Variants in HASPIN observed in about 807,000 individuals in gnomAD.
HASPIN encodes serine/threonine-protein kinase haspin.
In HASPIN, 24 loss-of-function variants were observed where a neutral mutation model predicts 28.8. That is an observed-to-expected ratio of 0.83 (90% confidence interval 0.60 to 1.17). The LOEUF (loss-of-function observed/expected upper bound fraction) is 1.17. HASPIN is among the 50% of genes most tolerant of loss of function. The pLI is 0.00. For missense variants in HASPIN, 1,016 were observed against 1,018.5 expected (o/e 1.00, Z 0.03); for synonymous variants, 440 against 413.1 (o/e 1.07, Z -0.79).
chr17:3,725,553 A>C lies in HASPIN; in HGVS notation c.1618A>C (p.Lys540Gln). 6.2e-7 allele frequency: 1 copy of C among 1,614,260 alleles called. No homozygotes were observed. Among genetic ancestry groups the C allele is most frequent in the Non-Finnish European group, 8.5e-7 (1 of 1,180,052 alleles). ...AATCCTGCCAGAGATCATCATCTCC[A>C]AAGAGTTGAGCCTCTTATCCGGTGA... The part of the protein sequence containing the change: ...EEILPEIIIS[K>Q]ELSLLSGEVC... Residue 540 changes from lysine to glutamine, a missense_variant, in exon 1 of 1, where the codon AAA (lysine) becomes CAA (glutamine). Transcript: ENST00000325418.
At position 3,725,702 on chromosome 17, in the gene HASPIN, C is replaced by T. The variant is rs1490234361; in HGVS notation, c.1767C>T (p.Asp589=). The T allele has an allele frequency of 1.3e-6, 2 of 1,575,180 alleles. No individual in the cohort carries two copies. Among genetic ancestry groups the T allele is most frequent in the East Asian group, 2.2e-5 (1 of 44,516 alleles). The change falls in exon 1 of 1, where the codon GAC becomes GAT. Residue 589 remains aspartate, a synonymous_variant. Coordinates refer to ENST00000325418, the MANE Select transcript of HASPIN (RefSeq NM_031965.2). ...ATTCAACCAAAGGCTCTGCAAATGA[C>T]CGGCCTGATTTTTTTAAAGACGACC... ...HYNSTKGSAN[D]RPDFFKDDQL...
rs1343802327 is a variant in HASPIN, at chr17:3,725,260, A to T, written c.1325A>T (p.Tyr442Phe). Residue 442 changes from tyrosine (Y) to phenylalanine (F), a missense_variant, in exon 1 of 1, where the codon TAT becomes TTT. Physicochemically the swap from Tyr to Phe is conservative, Grantham distance 22. This residue lies in a region of HASPIN where 881 missense variants were observed against 845.5 expected (regional missense o/e 1.04). Transcript: ENST00000325418. ...APSSWHSSSM[Y>F]LLSPLNTLSI... ...TCCTCTTGGCACTCCTCCTCTATGT[A>T]TTTGCTAAGCCCCTTAAACACTCTA... 1 of 1,614,192 alleles carries T rather than the reference A, an allele frequency of 6.2e-7. No homozygotes were observed. Among genetic ancestry groups the T allele is most frequent in the South Asian group, 1.1e-5 (1 of 91,080 alleles).
chr17:3,726,546 A>C lies in HASPIN; in HGVS notation c.*214A>C. On this transcript the variant is annotated 3_prime_UTR_variant, in exon 1 of 1. Transcript: ENST00000325418. The stretch of plus-strand genomic sequence containing the variant: ...ACAAATGTTCTGAAAGAAGTAAACT[A>C]GCCGGGCACAGTGGCGTGCGCCTGT... 5.4e-6 allele frequency: 3 copies of C among 558,078 alleles called. No homozygotes were observed. Among genetic ancestry groups the C allele is most frequent in the Non-Finnish European group, 9.6e-6 (3 of 311,152 alleles). The allele number at this position is 558,078 out of a possible 1,614,324, so 34.6% of individuals were successfully genotyped here.
In HASPIN at chr17:3,725,537, A is replaced by G. The variant is rs2051190291; in HGVS notation, c.1602A>G (p.Pro534=). The change falls in exon 1 of 1, where the codon CCA becomes CCG. Residue 534 remains proline, a synonymous_variant. Transcript: ENST00000325418. ...AGAAAACCTTTGAGGAAATCCTGCC[A>G]GAGATCATCATCTCCAAAGAGTTGA... is the stretch of plus-strand genomic sequence containing the variant. ...SHQKTFEEIL[P]EIIISKELSL... 1 of 1,614,266 alleles carries G rather than the reference A, an allele frequency of 6.2e-7. No homozygotes were observed.
At position 3,724,183 on chromosome 17, in the gene HASPIN, C is replaced by T. The variant is rs999032047; in HGVS notation, c.248C>T (p.Pro83Leu). Residue 83 changes from proline (P) to leucine (L), a missense_variant, in exon 1 of 1, where the codon CCC becomes CTC. Pro to Leu is a moderately conservative substitution (Grantham distance 98). This residue lies in a region of HASPIN where 881 missense variants were observed against 845.5 expected (regional missense o/e 1.04). Transcript: ENST00000325418. ...CCGGTGAGGCGGCGGCGGAGGCGTCCCGGCGGCCGAGTGCCCAAGGACCGG... is the reference window on the plus strand; with the variant it reads ...CCGGTGAGGCGGCGGCGGAGGCGTCTCGGCGGCCGAGTGCCCAAGGACCGG... The part of the protein sequence containing the change: ...GSPVRRRRRR[P>L]GGRVPKDRPS... The T allele has an allele frequency of 5.7e-6, 9 of 1,591,474 alleles. No individual in the cohort carries two copies. The highest frequency in any genetic ancestry group is 7.7e-6 in the Non-Finnish European group (9 of 1,176,330).
chr17:3,724,826 G>A lies in HASPIN; in HGVS notation c.891G>A (p.Gln297=), dbSNP rs1313405335. The stretch of plus-strand genomic sequence containing the variant: ...CAGGCAAGAGGAGGGCCACAGGCCA[G>A]GACTCTTGTCAAGAGAGAGGGCTTC... The part of the protein sequence containing the change: ...SSTGKRRATG[Q]DSCQERGLQE... Residue 297 remains glutamine, a synonymous_variant, in exon 1 of 1, where the codon CAG becomes CAA. Coordinates refer to ENST00000325418, the MANE Select transcript of HASPIN (RefSeq NM_031965.2). The A allele has an allele frequency of 1.9e-6, 3 of 1,614,168 alleles. No homozygotes were observed. The highest frequency in any genetic ancestry group is 2.2e-5 in the East Asian group (1 of 44,882).
Position 3,726,563 on chromosome 17 carries a change from T to G in HASPIN, c.*231T>G. 3.9e-6 allele frequency: 2 copies of G among 514,532 alleles called. No individual in the cohort carries two copies. Among genetic ancestry groups the G allele is most frequent in the South Asian group, 5.8e-5 (2 of 34,754 alleles). The allele number at this position is 514,532 out of a possible 1,614,324, so 31.9% of individuals were successfully genotyped here. ...AGTAAACTAGCCGGGCACAGTGGCG[T>G]GCGCCTGTAGTCCCAGCTACTCGGG... On this transcript the variant is annotated 3_prime_UTR_variant, in exon 1 of 1. Transcript: ENST00000325418.
rs1227608464 is a variant in HASPIN, at chr17:3,726,109, T to G, written c.2174T>G (p.Met725Arg). Reference sequence around the variant, plus strand: ...TACCAGTTTGACATCTACAGGCTCATGAAGAAGGAGAATAACAACCGCTGG... The same window carrying G: ...TACCAGTTTGACATCTACAGGCTCAGGAAGAAGGAGAATAACAACCGCTGG... ...GDYQFDIYRL[M>R]KKENNNRWGE... is the part of the protein sequence containing the mutation. The change falls in exon 1 of 1, where the codon ATG becomes AGG. Residue 725 changes from methionine to arginine, a missense_variant. Transcript: ENST00000325418. 3 of 1,614,210 alleles carry G rather than the reference T, an allele frequency of 1.9e-6. No homozygotes were observed. Among genetic ancestry groups the G allele is most frequent in the African/African-American group, 1.3e-5 (1 of 75,046 alleles).
chr17:3,724,134 G>A lies in HASPIN; in HGVS notation c.199G>A (p.Asp67Asn). The change falls in exon 1 of 1, where the codon GAC becomes AAC. Residue 67 changes from aspartate to asparagine, a missense_variant. Asp to Asn is a conservative substitution (Grantham distance 23, BLOSUM62 1). This residue lies in a region of HASPIN where 881 missense variants were observed against 845.5 expected (regional missense o/e 1.04). Coordinates refer to ENST00000325418, the MANE Select transcript of HASPIN (RefSeq NM_031965.2). ...GCAGTCCGACGATCCTGACGATCCC[G>A]ACGACCCCGACTTCCCCGGCAGCCC... The part of the protein sequence containing the change: ...PSQSDDPDDP[D>N]DPDFPGSPVR... 1.9e-6 allele frequency: 3 copies of A among 1,595,462 alleles called. No individual in the cohort carries two copies. In the South Asian group the frequency reaches 3.3e-5, roughly 18 times the overall value.
rs766386347 is a variant in HASPIN, at chr17:3,724,323, T to C, written c.388T>C (p.Cys130Arg). ...GCCCCCGCAGAAGTGCAGCACACCC[T>C]GCGGCCCGCTCCGACTTCCGCCCTT... ...ARPPQKCSTP[C>R]GPLRLPPFPS... Residue 130 changes from cysteine to arginine, a missense_variant, in exon 1 of 1, where the codon TGC becomes CGC. This residue lies in a region of HASPIN where 881 missense variants were observed against 845.5 expected (regional missense o/e 1.04). Coordinates refer to ENST00000325418, the MANE Select transcript of HASPIN (RefSeq NM_031965.2). 8 of 1,587,482 alleles carry C rather than the reference T, an allele frequency of 5.0e-6. No individual in the cohort carries two copies. Among genetic ancestry groups the C allele is most frequent in the Non-Finnish European group, 6.8e-6 (8 of 1,173,054 alleles).
Position 3,726,110 on chromosome 17 carries a change from G to A in HASPIN, c.2175G>A (p.Met725Ile), listed in dbSNP as rs1175464849. The A allele has an allele frequency of 2.5e-6, 4 of 1,614,104 alleles. No homozygotes were observed. Among genetic ancestry groups the A allele is most frequent in the Admixed American group, 1.7e-5 (1 of 60,002 alleles). Reference protein sequence around the residue: ...GDYQFDIYRLMKKENNNRWGE... With the variant: ...GDYQFDIYRLIKKENNNRWGE... Reference sequence around the variant, plus strand: ...ACCAGTTTGACATCTACAGGCTCATGAAGAAGGAGAATAACAACCGCTGGG... The same window carrying A: ...ACCAGTTTGACATCTACAGGCTCATAAAGAAGGAGAATAACAACCGCTGGG... Residue 725 changes from methionine (M) to isoleucine (I), a missense_variant, in exon 1 of 1, where the codon ATG becomes ATA. By Grantham distance (10) the Met-to-Ile change is conservative. This residue lies in a region of HASPIN where 129 missense variants were observed against 156.2 expected (regional missense o/e 0.83). Coordinates refer to ENST00000325418, the MANE Select transcript of HASPIN (RefSeq NM_031965.2).
At position 3,724,160 on chromosome 17, in the gene HASPIN, G is replaced by A. The variant is rs1352822174; in HGVS notation, c.225G>A (p.Pro75=). The change falls in exon 1 of 1, where the codon CCG becomes CCA. Residue 75 remains proline, a synonymous_variant. Coordinates refer to ENST00000325418, the MANE Select transcript of HASPIN (RefSeq NM_031965.2). ...DPDDPDFPGS[P]VRRRRRRPGG... is the part of the protein sequence containing the mutation. ...ACGACCCCGACTTCCCCGGCAGCCCGGTGAGGCGGCGGCGGAGGCGTCCCG... is the reference window on the plus strand; with the variant it reads ...ACGACCCCGACTTCCCCGGCAGCCCAGTGAGGCGGCGGCGGAGGCGTCCCG... 1.3e-6 allele frequency: 2 copies of A among 1,594,390 alleles called. No homozygotes were observed. Among genetic ancestry groups the A allele is most frequent in the Non-Finnish European group, 8.5e-7 (1 of 1,177,066 alleles).
In HASPIN at chr17:3,723,942, G is replaced by A. The variant is rs2051131611; in HGVS notation, c.7G>A (p.Ala3Thr). The A allele has an allele frequency of 6.4e-7, 1 of 1,552,808 alleles. No individual in the cohort carries two copies. The highest frequency in any genetic ancestry group is 8.7e-7 in the Non-Finnish European group (1 of 1,149,632). MA[A>T]SLPGPGSRLF... ...CTCTTGGCGGGTGCCGGCCATGGCG[G>A]CTTCGCTCCCGGGACCTGGGAGCCG... The change falls in exon 1 of 1, where the codon GCT (alanine) becomes ACT (threonine). Residue 3 changes from alanine to threonine, a missense_variant. By Grantham distance (58) the Ala-to-Thr change is moderately conservative. Transcript: ENST00000325418.
Position 3,724,518 on chromosome 17 carries a change from C to G in HASPIN, c.583C>G (p.Leu195Val), listed in dbSNP as rs150914370. 2.5e-6 allele frequency: 4 copies of G among 1,613,954 alleles called. No individual in the cohort carries two copies. The highest frequency in any genetic ancestry group is 3.4e-6 in the Non-Finnish European group (4 of 1,180,042). The change falls in exon 1 of 1, where the codon CTG becomes GTG. Residue 195 changes from leucine to valine, a missense_variant. By Grantham distance (32) the Leu-to-Val change is conservative. Transcript: ENST00000325418. ...CATCTCGATCGGCACCTCCGCCTGT[C>G]TGGTTGCAGCCTCAGCCGTCCCGAG... Reference protein sequence around the residue: ...SVISIGTSACLVAASAVPSGL... With the variant: ...SVISIGTSACVVAASAVPSGL...
Position 3,725,524 on chromosome 17 carries a change from A to G in HASPIN, c.1589A>G (p.Glu530Gly). 2 of 1,614,222 alleles carry G rather than the reference A, an allele frequency of 1.2e-6. No individual in the cohort carries two copies. The highest frequency in any genetic ancestry group is 8.5e-7 in the Non-Finnish European group (1 of 1,180,042). ...AATGGATCCCATCAGAAAACCTTTG[A>G]GGAAATCCTGCCAGAGATCATCATC... ...LVNGSHQKTFEEILPEIIISK... is the reference protein window; with the variant it reads ...LVNGSHQKTFGEILPEIIISK... Residue 530 changes from glutamate to glycine, a missense_variant, in exon 1 of 1, where the codon GAG (glutamate) becomes GGG (glycine). Glu to Gly is a moderately conservative substitution (Grantham distance 98, BLOSUM62 -2). Around this residue, in one of 3 missense-constraint regions of HASPIN, gnomAD observed 881 missense variants for 845.5 expected, o/e 1.04. Coordinates refer to ENST00000325418, the MANE Select transcript of HASPIN (RefSeq NM_031965.2).
chr17:3,726,005 G>A lies in HASPIN; in HGVS notation c.2070G>A (p.Leu690=), dbSNP rs1365635311. Residue 690 remains leucine, a synonymous_variant, in exon 1 of 1, where the codon CTG becomes CTA. Coordinates refer to ENST00000325418, the MANE Select transcript of HASPIN (RefSeq NM_031965.2). The part of the protein sequence containing the change: ...GLQVSIIDYT[L]SRLERDGIVV... ...AAGTGAGCATCATTGACTACACCCT[G>A]TCGCGCTTGGAACGGGATGGGATTG... is the stretch of plus-strand genomic sequence containing the variant. 1.2e-6 allele frequency: 2 copies of A among 1,613,978 alleles called. No homozygotes were observed. The highest frequency in any genetic ancestry group is 1.6e-4 in the Middle Eastern group (1 of 6,062).
chr17:3,725,959 C>G lies in HASPIN; in HGVS notation c.2024C>G (p.Thr675Ser), dbSNP rs2051201160. Residue 675 changes from threonine to serine, a missense_variant, in exon 1 of 1, where the codon ACT (threonine) becomes AGT (serine). Thr to Ser is a moderately conservative substitution (Grantham distance 58, BLOSUM62 1). Transcript: ENST00000325418. ...LHYTLNGKSS[T>S]IPSCGLQVSI... ...TACACCCTCAATGGGAAGAGCAGCA[C>G]TATCCCCAGCTGTGGGTTGCAAGTG... is the stretch of plus-strand genomic sequence containing the variant. 1 of 1,613,734 alleles carries G rather than the reference C, an allele frequency of 6.2e-7. No individual in the cohort carries two copies. The highest frequency in any genetic ancestry group is 1.3e-5 in the African/African-American group (1 of 74,890).
In HASPIN at chr17:3,726,318, A is replaced by C; in HGVS notation, c.2383A>C (p.Ser795Arg). 3 of 1,609,838 alleles carry C rather than the reference A, an allele frequency of 1.9e-6. No homozygotes were observed. Among genetic ancestry groups the C allele is most frequent in the Non-Finnish European group, 2.5e-6 (3 of 1,177,102 alleles). The change falls in exon 1 of 1, where the codon AGT (serine) becomes CGT (arginine). Residue 795 changes from serine to arginine, a missense_variant. Around this residue, in one of 3 missense-constraint regions of HASPIN, gnomAD observed 129 missense variants for 156.2 expected, o/e 0.83. Transcript: ENST00000325418. ...SSATDLLCQH[S>R]LFK ...TGCCACTGACTTGCTCTGCCAGCAC[A>C]GTCTGTTTAAGTAAGCTAAATGTAT...
chr17:3,725,134 CA>C lies in HASPIN; in HGVS notation c.1200del (p.Glu401ArgfsTer26), dbSNP rs2051177003. 6.2e-7 allele frequency: 1 copy of C among 1,614,062 alleles called. No individual in the cohort carries two copies. The highest frequency in any genetic ancestry group is 1.3e-5 in the African/African-American group (1 of 74,918). On this transcript the variant is annotated frameshift_variant, in exon 1 of 1. Coordinates refer to ENST00000325418, the MANE Select transcript of HASPIN (RefSeq NM_031965.2). LOFTEE classifies it high-confidence loss of function. ...AAGAAGAAAATTGTGACTGATGTGT[CA>C]GAGGTCTGCAGCATCTATACCACTG... ...FHKKKIVTDV[S>X]EVCSIYTTAT...
Sources: allele counts gnomAD v4.1 joint callset, GRCh38; gene constraint gnomAD v4.1.1; regional missense constraint gnomAD v4.1.1; transcripts MANE v1.5; gene names NCBI Gene and HGNC (gene_info 2026-07-23, HGNC 2026-07-21).